Variants in ITFG1 observed in about 807,000 individuals in gnomAD.
ITFG1 encodes the protein integrin alpha FG-GAP repeat containing 1, also known as T-cell immunomodulatory protein.
In ITFG1, 34 loss-of-function variants were observed where a neutral mutation model predicts 81.8. The observed-to-expected ratio is 0.42, with a 90% CI of 0.32 to 0.55. ITFG1 has a LOEUF of 0.55. Ranked by LOEUF, ITFG1 falls within the 20% of genes least tolerant of loss-of-function variation. The pLI, the probability that ITFG1 is intolerant of heterozygous loss-of-function variation, is 0.17. For missense variants in ITFG1, 672 were observed against 755.4 expected, an observed-to-expected ratio of 0.89 and a Z score of 1.29; for synonymous variants, 285 against 270.6, an observed-to-expected ratio of 1.05 and a Z score of -0.52.
At chr16:47,352,620 C>G (rs749995191) in intron 8 of ITFG1, among the ~76,000 whole-genome samples, 1 of 152,158 alleles carries the variant, frequency 6.6e-6, no homozygotes, top group Non-Finnish European at 1.5e-5. Flanking sequence ...GGACCGTAAA[C>G]TAGTTCAACC....
intron 14 of ITFG1, among the ~76,000 whole-genome samples, chr16:47,174,666 G>A (rs746615403): frequency 2.0e-5 from 3 of 152,016 alleles, no homozygotes; most frequent in East Asian, 1.9e-4. Context: ...AATTAGAGGC[G>A]TACACCACCA....
intron 10 of ITFG1, among the ~76,000 whole-genome samples, chr16:47,261,798 G>A (rs1182620242): frequency 2.0e-5 from 3 of 152,084 alleles, no homozygotes; most frequent in Non-Finnish European, 4.4e-5. Context: ...CTTAGCCTCC[G>A]GAGTAGCTGG....
At chr16:47,302,394 A>T (rs76042410) in intron 10 of ITFG1, among the ~76,000 whole-genome samples, 1 of 149,576 alleles carries the variant, frequency 6.7e-6, no homozygotes, top group African/African-American at 2.5e-5. Context: ...TTTTTTTTTT[A>T]GCAATGTTAA....
At chr16:47,257,451 T>C (rs1966153560) in intron 12 of ITFG1, among the ~76,000 whole-genome samples, 1 of 152,004 alleles carries the variant, frequency 6.6e-6, no homozygotes, top group African/African-American at 2.4e-5. Flanking sequence ...ATGACAAACA[T>C]GGGGGTCAGG....
intron 13 of ITFG1, among the ~76,000 whole-genome samples, chr16:47,235,237 T>C (rs1450494094): frequency 6.6e-6 from 1 of 151,980 alleles, no homozygotes; most frequent in Non-Finnish European, 1.5e-5. Flanking sequence ...GCAGGTACAC[T>C]GGAAAGTCAG....
rs116019505 is a variant in ITFG1, at chr16:47,189,549, G to C, written c.1454-26885C>G. 8.5e-3 allele frequency among the ~76,000 whole-genome samples: 1,287 copies of C among 152,294 alleles called. 24 individuals are homozygous for C. Among genetic ancestry groups the C allele is most frequent in the African/African-American group, 0.03 (1,233 of 41,552 alleles). ...TTGCACGTTTCATGTTTTTGTGACTGAATAATATTCCACTGTATGAATATA... is the reference window on the plus strand; with the variant it reads ...TTGCACGTTTCATGTTTTTGTGACTCAATAATATTCCACTGTATGAATATA... On this transcript the variant is annotated intron_variant, in intron 14 of 17. Transcript: ENST00000320640.
rs1480205822 is a variant in ITFG1, at chr16:47,154,464, AG to A, written c.*1254del. 1 of 152,238 alleles carries A rather than the reference AG, an allele frequency of 6.6e-6. No homozygotes were observed. The highest frequency in any genetic ancestry group is 1.5e-5 in the Non-Finnish European group (1 of 68,048). 9.4% of individuals were successfully genotyped at this position (152,238 alleles called of 1,614,324 possible). A position where few individuals can be genotyped will look rare whatever the true frequency, so the allele number is the denominator to read the frequency against. ...CAAAGTAAAAACACATGCCAATCTC[AG>A]TGAACTATAAAGAAAAAAATAAGAA... On this transcript the variant is annotated 3_prime_UTR_variant, in exon 18 of 18. Coordinates refer to ENST00000320640, the MANE Select transcript of ITFG1 (RefSeq NM_030790.5).
intron 5 of ITFG1, among the ~76,000 whole-genome samples, chr16:47,435,411 G>A (rs1969153535): frequency 1.3e-5 from 2 of 152,170 alleles, no homozygotes; most frequent in Admixed American, 6.5e-5. Context: ...GTGTATCATT[G>A]ACATTTCTTG....
In ITFG1 at chr16:47,287,346, G is replaced by C. The variant is rs559164764; in HGVS notation, c.1070+23894C>G. On this transcript the variant is annotated intron_variant, in intron 10 of 17. Coordinates refer to ENST00000320640, the MANE Select transcript of ITFG1 (RefSeq NM_030790.5). ...ATTCTCATGCCCTGGCCTCCCAAAG[G>C]GGGATTACAAGCGTGAGCCACCAAG... Among the ~76,000 whole-genome samples, 241 of 152,064 alleles carry C rather than the reference G, an allele frequency of 1.6e-3. 2 individuals are homozygous for C. The highest frequency in any genetic ancestry group is 5.4e-3 in the African/African-American group (225 of 41,478).
rs1458693291 is a variant in ITFG1 at position 47,446,398 on chromosome 16, C to T, written c.560+4998G>A. 9.9e-5 allele frequency among the ~76,000 whole-genome samples: 15 copies of T among 152,250 alleles called. No individual in the cohort carries two copies. The East Asian group carries it at 2.3e-3, about 23-fold the overall frequency. On this transcript the variant is annotated intron_variant, in intron 5 of 17. Transcript: ENST00000320640. ...TGTCTCAGGTACATAAGAGAAAATA[C>T]GAAGATTTCTTACATAAGAGAAAAC...
chr16:47,327,766 C>T (rs1471309351), intron 8 of ITFG1, among the ~76,000 whole-genome samples: 2 of 152,066 alleles, frequency 1.3e-5, no homozygotes, highest in Non-Finnish European at 2.9e-5. Flanking sequence ...CAAATCAAAA[C>T]ACAATGAGAT....
chr16:47,453,923 A>G (rs1460417206), intron 3 of ITFG1, 90 bp downstream of exon 3: 14 of 818,088 alleles, frequency 1.7e-5, no homozygotes, highest in Admixed American at 2.9e-5. Context: ...ACCCAAGAAC[A>G]GTATTTTTGA....
intron 6 of ITFG1, among the ~76,000 whole-genome samples, chr16:47,415,554 T>C (rs1385966884): frequency 2.0e-5 from 3 of 152,166 alleles, no homozygotes; most frequent in African/African-American, 4.8e-5. Context: ...GCAGAGAATT[T>C]AGGAAAAGCT....
At chr16:47,441,907 A>C (rs969873424) in intron 5 of ITFG1, among the ~76,000 whole-genome samples, 1 of 152,238 alleles carries the variant, frequency 6.6e-6, no homozygotes, top group African/African-American at 2.4e-5. Context: ...TTTGCAGATG[A>C]CATGATTGTA....
At chr16:47,160,812 A>G (rs1038712135) in intron 16 of ITFG1, among the ~76,000 whole-genome samples, 4 of 152,196 alleles carry the variant, frequency 2.6e-5, no homozygotes, top group African/African-American at 7.2e-5. Context: ...TTCTCCTACC[A>G]TAACTGATTT....
At chr16:47,351,202 T>G (rs1261659257) in intron 8 of ITFG1, among the ~76,000 whole-genome samples, 1 of 152,178 alleles carries the variant, frequency 6.6e-6, no homozygotes, top group Non-Finnish European at 1.5e-5. Context: ...TGTTGGAAGT[T>G]CTGGCCAGGG....
intron 6 of ITFG1, among the ~76,000 whole-genome samples, chr16:47,424,371 AG>A (rs549521140): frequency 4.3e-4 from 65 of 152,324 alleles, no homozygotes; most frequent in Middle Eastern, 6.8e-3. Context: ...GCGATGGGTT[AG>A]AACACACTCC....
intron 5 of ITFG1, chr16:47,448,934 C>T (rs1969354482): frequency 6.6e-6 from 1 of 152,110 alleles, no homozygotes; most frequent in Non-Finnish European, 1.5e-5. Flanking sequence ...ACTTCAATTA[C>T]CTCCTGAACC....
chr16:47,441,897 T>C (rs1596987257), intron 5 of ITFG1, among the ~76,000 whole-genome samples: 1 of 152,198 alleles, frequency 6.6e-6, no homozygotes, highest in Admixed American at 6.5e-5. Flanking sequence ...ATTGTCCCTG[T>C]TTGCAGATGA....
Sources: allele counts gnomAD v4.1 joint callset (sites outside exome capture counted in the v4.1 genomes callset), GRCh38; gene constraint gnomAD v4.1.1; transcripts MANE v1.5; gene names NCBI Gene and HGNC (gene_info 2026-07-23, HGNC 2026-07-21).